The following CREM variants were observed in gnomAD, a reference collection of about 807,000 sequenced individuals.
CREM encodes the protein cAMP-responsive element modulator.
Under a neutral mutation model 37.3 loss-of-function variants are expected in CREM, and 13 were observed. The ratio of observed to expected loss-of-function variants is 0.35; its 90% CI spans 0.23 to 0.55. The LOEUF (loss-of-function observed/expected upper bound fraction) is 0.55. Among genes scored for constraint, CREM ranks in the 20% least tolerant of loss-of-function variants. The probability of loss-of-function intolerance (pLI) is 0.88; values close to 1 mark genes in which losing one functional copy is unlikely to be tolerated. For synonymous variants in CREM, 124 were observed against 120.2 expected (o/e 1.03, Z -0.21); for missense variants, 296 against 362.3 (o/e 0.82, Z 1.49).
chr10:35,132,201 CAAAA>C (rs374078423), intron 1 of CREM, among the ~76,000 whole-genome samples: 3 of 49,222 alleles, frequency 6.1e-5, no homozygotes, highest in Non-Finnish European at 1.3e-4. Context: ...ACTTGAGTCT[CAAAA>C]AAAAAAAAAA....
chr10:35,178,805 C>T (rs1358042028), intron 3 of CREM, 84 bp from the exon 4 acceptor site: 1 of 1,056,014 alleles, frequency 9.5e-7, no homozygotes, highest in Non-Finnish European at 1.4e-6. Flanking sequence ...CAGTGCTGCA[C>T]ACACAGACTC....
intron 1 of CREM, among the ~76,000 whole-genome samples, chr10:35,129,093 G>C (rs2088783371): frequency 6.6e-6 from 1 of 152,166 alleles, no homozygotes; most frequent in Non-Finnish European, 1.5e-5. Context: ...CAACTTTGGC[G>C]AATCTGTAAA....
chr10:35,187,602 A>C (rs935645743), intron 5 of CREM, among the ~76,000 whole-genome samples: 2 of 152,004 alleles, frequency 1.3e-5, no homozygotes, highest in African/African-American at 4.8e-5. Context: ...GACAAATCAG[A>C]AAAGTAGTTA....
intron 6 of CREM, among the ~76,000 whole-genome samples, chr10:35,196,704 A>G (rs1019803075): frequency 6.6e-6 from 1 of 152,184 alleles, no homozygotes; most frequent in Admixed American, 6.5e-5. Flanking sequence ...TGCATGTCAT[A>G]TGATTCTTAG....
chr10:35,201,179 A>G (rs1308741949), intron 6 of CREM, among the ~76,000 whole-genome samples: 1 of 152,244 alleles, frequency 6.6e-6, no homozygotes, highest in Non-Finnish European at 1.5e-5. Context: ...TTAACAAAAT[A>G]AGGAATAAGA....
chr10:35,195,105 A>AT, intron 6 of CREM: 1 of 1,438,650 alleles, frequency 7.0e-7, no homozygotes, highest in South Asian at 1.2e-5. Flanking sequence ...CCTCCTGCTT[A>AT]TCCTGCACAT....
intron 6 of CREM, chr10:35,196,295 T>C: frequency 1.8e-6 from 1 of 545,012 alleles, no homozygotes. Flanking sequence ...CCTCTGGTAT[T>C]TAAATTTGTA....
At chr10:35,205,680 C>T (rs538894903) in intron 6 of CREM, among the ~76,000 whole-genome samples, 38 of 152,288 alleles carry the variant, frequency 2.5e-4, no homozygotes, top group African/African-American at 7.9e-4. Flanking sequence ...ATTTTCAGGC[C>T]GGGCGTGGTG....
chr10:35,175,657 A>T lies in CREM; in HGVS notation c.169-3232A>T. On this transcript the variant is annotated intron_variant, in intron 3 of 7. Coordinates refer to ENST00000685392, the MANE Select transcript of CREM (RefSeq NM_183011.2). ...ATAAGGAGCATGTGTTCCTTAATAA[A>T]TGTCACATCAGAAAATGACTGTTCC... 3 of 1,613,542 alleles carry T rather than the reference A, an allele frequency of 1.9e-6. No individual in the cohort carries two copies. In the South Asian group the frequency reaches 3.3e-5, roughly 18 times the overall value.
chr10:35,166,910 G>A (rs2093583745), intron 3 of CREM, among the ~76,000 whole-genome samples: 3 of 152,196 alleles, frequency 2.0e-5, no homozygotes, highest in Non-Finnish European at 4.4e-5. Flanking sequence ...GAGAGGCCAA[G>A]GTGGATGGAT....
At chr10:35,170,692 G>T (rs1315236831) in intron 3 of CREM, among the ~76,000 whole-genome samples, 1 of 152,150 alleles carries the variant, frequency 6.6e-6, no homozygotes, top group African/African-American at 2.4e-5. Flanking sequence ...TTGCATAGAG[G>T]TGTTTATAGT....
intron 5 of CREM, among the ~76,000 whole-genome samples, chr10:35,184,662 T>A (rs1040121846): frequency 2.0e-5 from 3 of 152,188 alleles, no homozygotes; most frequent in Admixed American, 2.0e-4. Context: ...TATCTAATTA[T>A]ATAATGACTT....
intron 5 of CREM, among the ~76,000 whole-genome samples, chr10:35,183,218 T>C (rs1167386080): frequency 1.3e-5 from 2 of 152,098 alleles, no homozygotes; most frequent in Non-Finnish European, 2.9e-5. Flanking sequence ...GGAATTCTTA[T>C]ACATGAAAGG....
At chr10:35,142,978 T>C (rs539516576) in intron 2 of CREM, among the ~76,000 whole-genome samples, 3 of 152,240 alleles carry the variant, frequency 2.0e-5, no homozygotes, top group Non-Finnish European at 2.9e-5. Context: ...ATAGAGGAGA[T>C]GAAGAGTTGG....
chr10:35,210,486 T>A (rs2095642022), intron 7 of CREM: 1 of 152,226 alleles, frequency 6.6e-6, no homozygotes, highest in Admixed American at 6.5e-5. Flanking sequence ...ATATATTGGA[T>A]ATTAAATGCA....
chr10:35,196,134 A>G (rs1762792412), intron 6 of CREM: 2 of 1,611,960 alleles, frequency 1.2e-6, no homozygotes, highest in Non-Finnish European at 1.7e-6. Context: ...CCGTCCCTGC[A>G]TGCGCCTGGT....
chr10:35,189,765 C>G (rs1045176734), intron 6 of CREM, among the ~76,000 whole-genome samples: 1 of 152,190 alleles, frequency 6.6e-6, no homozygotes, highest in Admixed American at 6.5e-5. Flanking sequence ...GTCCACCCAC[C>G]TTGGCCTCCC....
At chr10:35,157,960 GA>G (rs578060904) in intron 3 of CREM, among the ~76,000 whole-genome samples, 1 of 151,668 alleles carries the variant, frequency 6.6e-6, no homozygotes, top group African/African-American at 2.4e-5. Context: ...GAACTACCTG[GA>G]AAAAATATCA....
At chr10:35,159,334 A>G (rs1379118969) in intron 3 of CREM, among the ~76,000 whole-genome samples, 2 of 152,158 alleles carry the variant, frequency 1.3e-5, no homozygotes, top group Non-Finnish European at 1.5e-5. Context: ...TATACTATAG[A>G]GCTATAGTAA....
Sources: allele counts gnomAD v4.1 joint callset (sites outside exome capture counted in the v4.1 genomes callset), GRCh38; gene constraint gnomAD v4.1.1; transcripts MANE v1.5; gene names NCBI Gene and HGNC (gene_info 2026-07-23, HGNC 2026-07-21).